The following FLRT2 variants were observed in gnomAD, a reference collection of about 807,000 sequenced individuals.
FLRT2 encodes the protein fibronectin leucine rich transmembrane protein 2.
Under a neutral mutation model 40.0 loss-of-function variants are expected in FLRT2, and 15 were observed. That is an observed-to-expected ratio of 0.38 (90% CI 0.25 to 0.58). The LOEUF (loss-of-function observed/expected upper bound fraction) is 0.58. Among genes scored for constraint, FLRT2 ranks in the 20% least tolerant of loss-of-function variants. The probability of loss-of-function intolerance (pLI) is 0.71; values close to 1 mark genes in which losing one functional copy is unlikely to be tolerated. For synonymous variants in FLRT2, 380 were observed against 336.8 expected, an observed-to-expected ratio of 1.13 and a Z score of -1.41; for missense variants, 726 against 840.0, an observed-to-expected ratio of 0.86 and a Z score of 1.68.
chr14:85,567,206 C>A (rs1233830273), intron 1 of FLRT2, among the ~76,000 whole-genome samples: 2 of 152,136 alleles, frequency 1.3e-5, no homozygotes, highest in Admixed American at 1.3e-4. Context: ...TTTGACATGT[C>A]CCCCTCAGAA....
intron 1 of FLRT2, among the ~76,000 whole-genome samples, chr14:85,605,304 G>A (rs1892556065): frequency 6.6e-6 from 1 of 152,096 alleles, no homozygotes; most frequent in African/African-American, 2.4e-5. Flanking sequence ...CCTGTGAATG[G>A]TGCTCAACAC....
rs781639291 is a variant in FLRT2 at position 85,630,285 on chromosome 14, C to CTTTTTTTTTTT, written c.*6800_*6810dup. ...CATACCAATGGGTGATCATATCTGTCTTTTTTTTTTTTTTTTTTTTTTGGT... is the reference window on the plus strand; with the variant it reads ...CATACCAATGGGTGATCATATCTGTCTTTTTTTTTTTTTTTTTTTTTTTTTTTTTTTTTGGT... On this transcript the variant is annotated 3_prime_UTR_variant, in exon 2 of 2. Coordinates refer to ENST00000330753, the MANE Select transcript of FLRT2 (RefSeq NM_013231.6). The CTTTTTTTTTTT allele has an allele frequency of 1.1e-5, 1 of 93,456 alleles. No individual in the cohort carries two copies. Among genetic ancestry groups the CTTTTTTTTTTT allele is most frequent in the Non-Finnish European group, 2.0e-5 (1 of 50,462 alleles). 5.8% of individuals were successfully genotyped at this position (93,456 alleles called of 1,614,324 possible).
At chr14:85,564,926 TC>T (rs1377018759) in intron 1 of FLRT2, among the ~76,000 whole-genome samples, 5 of 152,184 alleles carry the variant, frequency 3.3e-5, no homozygotes. Flanking sequence ...CATCCTATGA[TC>T]ACTAGTTATC....
At position 85,639,840 on chromosome 14, in the gene FLRT2, T is replaced by TA. The variant is rs1894106138; in HGVS notation, c.*16343_*16344insA. The TA allele has an allele frequency of 1.6e-5, 2 of 126,848 alleles. No individual in the cohort carries two copies. The highest frequency in any genetic ancestry group is 1.7e-4 in the Admixed American group (2 of 11,466). The allele number at this position is 126,848 out of a possible 1,614,324, so 7.9% of individuals were successfully genotyped here. A position where few individuals can be genotyped will look rare whatever the true frequency, so the allele number is the denominator to read the frequency against. Reference sequence around the variant, plus strand: ...CTTCACTAGCAGAAATTCTTTATTTTTTTTTTTTTCCTTTTTTTTTTTTTT... The same window carrying TA: ...CTTCACTAGCAGAAATTCTTTATTTTATTTTTTTTTCCTTTTTTTTTTTTTT... On this transcript the variant is annotated 3_prime_UTR_variant, in exon 2 of 2. Transcript: ENST00000330753.
Position 85,621,744 on chromosome 14 carries a change from A to G in FLRT2, c.230A>G (p.Asn77Ser), listed in dbSNP as rs201873570. The G allele has an allele frequency of 3.1e-6, 5 of 1,614,190 alleles. No homozygotes were observed. In the African/African-American group the frequency reaches 6.7e-5, roughly 22 times the overall value. The change falls in exon 2 of 2, where the codon AAT (asparagine) becomes AGT (serine). Residue 77 changes from asparagine (N) to serine (S), a missense_variant. By Grantham distance (46) the Asn-to-Ser change is conservative. This residue lies in a region of FLRT2 where 106 missense variants were observed against 121.2 expected (regional missense o/e 0.87). Coordinates refer to ENST00000330753, the MANE Select transcript of FLRT2 (RefSeq NM_013231.6). ...TACCTCCACAACAACCAAATTAATA[A>G]TGCTGGATTTCCTGCAGAACTGCAC... is the stretch of plus-strand genomic sequence containing the variant. The part of the protein sequence containing the change: ...VLYLHNNQIN[N>S]AGFPAELHNV...
intron 1 of FLRT2, among the ~76,000 whole-genome samples, chr14:85,615,440 T>A (rs1378284530): frequency 6.6e-6 from 1 of 152,182 alleles, no homozygotes; most frequent in Non-Finnish European, 1.5e-5. Flanking sequence ...AGCCTGGAAA[T>A]GGCCAACTGT....
intron 1 of FLRT2, among the ~76,000 whole-genome samples, chr14:85,599,030 G>C (rs1892264414): frequency 6.8e-6 from 1 of 146,484 alleles, no homozygotes; most frequent in Non-Finnish European, 1.5e-5. Flanking sequence ...CCATTGTCCT[G>C]CCTCAGCCTC....
intron 1 of FLRT2, among the ~76,000 whole-genome samples, chr14:85,568,004 C>G (rs1890710736): frequency 6.6e-6 from 1 of 151,940 alleles, no homozygotes; most frequent in African/African-American, 2.4e-5. Context: ...CATGACTTGC[C>G]GTCCTCTCAG....
chr14:85,569,950 T>C (rs188185278), intron 1 of FLRT2, among the ~76,000 whole-genome samples: 10 of 152,330 alleles, frequency 6.6e-5, no homozygotes, highest in Admixed American at 6.5e-4. Context: ...GGTATGGCCA[T>C]TTTGTCTACC....
rs367599616 is a variant in FLRT2 at position 85,561,953 on chromosome 14, C to A, written c.-377+31419C>A. Among the ~76,000 whole-genome samples, 3 of 152,192 alleles carry A rather than the reference C, an allele frequency of 2.0e-5. No homozygotes were observed. In the East Asian group the frequency reaches 5.8e-4, roughly 29 times the overall value. On this transcript the variant is annotated intron_variant, in intron 1 of 1. Coordinates refer to ENST00000330753, the MANE Select transcript of FLRT2 (RefSeq NM_013231.6). ...ATTCCAGAGCTTCTCATCCTCACAT[C>A]TATGTGACACTTCTGTCACTTCCAT...
intron 1 of FLRT2, among the ~76,000 whole-genome samples, chr14:85,568,383 A>G (rs1193241971): frequency 6.6e-6 from 1 of 152,176 alleles, no homozygotes; most frequent in Non-Finnish European, 1.5e-5. Flanking sequence ...CATGGAAATC[A>G]TAAAATGATT....
rs974176731 is a variant in FLRT2, at chr14:85,627,415, C to T, written c.*3918C>T. 11 of 167,066 alleles carry T rather than the reference C, an allele frequency of 6.6e-5. No homozygotes were observed. Among genetic ancestry groups the T allele is most frequent in the Non-Finnish European group, 1.5e-4 (10 of 68,120 alleles). The allele number at this position is 167,066 out of a possible 1,614,324, so 10.3% of individuals were successfully genotyped here. ...TACTAGCAATGGGGAATGCTTGTCA[C>T]TGTGGAGAAAGAGTTTTGTATATGT... On this transcript the variant is annotated 3_prime_UTR_variant, in exon 2 of 2. Transcript: ENST00000330753.
chr14:85,550,352 A>G (rs1429391763), intron 1 of FLRT2, among the ~76,000 whole-genome samples: 1 of 152,194 alleles, frequency 6.6e-6, no homozygotes, highest in African/African-American at 2.4e-5. Context: ...AATGGCTGTT[A>G]GGAATCAGGT....
rs1052114376 is a variant in FLRT2, at chr14:85,632,018, G to A, written c.*8521G>A. ...TTTTTTGTATTTTTAGTAGAGATGG[G>A]TTTTGCCACATTGGCCAGGCTAGTC... On this transcript the variant is annotated 3_prime_UTR_variant, in exon 2 of 2. Transcript: ENST00000330753. The A allele has an allele frequency of 6.6e-5, 10 of 151,788 alleles. No homozygotes were observed. Among genetic ancestry groups the A allele is most frequent in the Non-Finnish European group, 1.2e-4 (8 of 68,034 alleles). 9.4% of individuals were successfully genotyped at this position (151,788 alleles called of 1,614,324 possible).
chr14:85,593,104 C>A (rs1267594944), intron 1 of FLRT2, among the ~76,000 whole-genome samples: 1 of 152,094 alleles, frequency 6.6e-6, no homozygotes, highest in African/African-American at 2.4e-5. Flanking sequence ...TCTTCTTAGG[C>A]TAAGTAATTG....
At chr14:85,619,543 T>C (rs1893292033) in intron 1 of FLRT2, among the ~76,000 whole-genome samples, 1 of 152,222 alleles carries the variant, frequency 6.6e-6, no homozygotes, top group Admixed American at 6.5e-5. Flanking sequence ...TAACAATCTT[T>C]TAAATTATAG....
In FLRT2 at chr14:85,622,406, A is replaced by C; in HGVS notation, c.892A>C (p.Asn298His). The change falls in exon 2 of 2, where the codon AAT (asparagine) becomes CAT (histidine). Residue 298 changes from asparagine (N) to histidine (H), a missense_variant. Transcript: ENST00000330753. Reference protein sequence around the residue: ...LRMLTQGVFDNLSNLKQLTAR... With the variant: ...LRMLTQGVFDHLSNLKQLTAR... ...GATGCTGACTCAAGGGGTTTTTGATAATCTCTCCAACCTGAAGCAGCTCAC... is the reference window on the plus strand; with the variant it reads ...GATGCTGACTCAAGGGGTTTTTGATCATCTCTCCAACCTGAAGCAGCTCAC... 6.2e-7 allele frequency: 1 copy of C among 1,614,090 alleles called. No homozygotes were observed. The highest frequency in any genetic ancestry group is 8.5e-7 in the Non-Finnish European group (1 of 1,180,008).
intron 1 of FLRT2, among the ~76,000 whole-genome samples, chr14:85,588,462 T>G (rs1019352789): frequency 6.6e-5 from 10 of 151,648 alleles, no homozygotes; most frequent in Admixed American, 3.9e-4. Context: ...GCTCAGTTTT[T>G]TTTTTTTTTT....
rs1340793285 is a variant in FLRT2, at chr14:85,630,466, T to C, written c.*6969T>C. 1 of 152,122 alleles carries C rather than the reference T, an allele frequency of 6.6e-6. No individual in the cohort carries two copies. The highest frequency in any genetic ancestry group is 2.4e-5 in the African/African-American group (1 of 41,446). 9.4% of individuals were successfully genotyped at this position (152,122 alleles called of 1,614,324 possible). ...TCTAAACTCCCTAGTTGGGATAGGA[T>C]GGGCCTTTGTTGGTTTAGTTTTGAT... On this transcript the variant is annotated 3_prime_UTR_variant, in exon 2 of 2. Coordinates refer to ENST00000330753, the MANE Select transcript of FLRT2 (RefSeq NM_013231.6).
Sources: allele counts gnomAD v4.1 joint callset (sites outside exome capture counted in the v4.1 genomes callset), GRCh38; gene constraint gnomAD v4.1.1; regional missense constraint gnomAD v4.1.1; transcripts MANE v1.5; gene names NCBI Gene and HGNC (gene_info 2026-07-23, HGNC 2026-07-21).